Variants in LRRTM4 observed in about 807,000 individuals in gnomAD.
The protein encoded by LRRTM4 is leucine rich repeat transmembrane neuronal 4, also known as leucine-rich repeat transmembrane neuronal protein 4.
LRRTM4 carries 25 observed loss-of-function variants against 47.6 expected under a neutral mutation model. That is an observed-to-expected ratio of 0.53 (90% CI 0.38 to 0.73). LRRTM4 has a LOEUF of 0.73. Among genes scored for constraint, LRRTM4 ranks in the 30% least tolerant of loss-of-function variants. The probability of loss-of-function intolerance (pLI) is 0.00; values close to 1 mark genes in which losing one functional copy is unlikely to be tolerated. For missense variants in LRRTM4, 638 were observed against 713.4 expected (o/e 0.89, Z 1.20); for synonymous variants, 311 against 269.5 (o/e 1.15, Z -1.51).
chr2:77,388,582 G>C (rs1262732026), intron 3 of LRRTM4, among the ~76,000 whole-genome samples: 1 of 151,928 alleles, frequency 6.6e-6, no homozygotes, highest in African/African-American at 2.4e-5. Context: ...AGTTTATGAA[G>C]TATTTATTTT....
At chr2:77,488,703 T>C (rs959092921) in intron 3 of LRRTM4, among the ~76,000 whole-genome samples, 2 of 152,196 alleles carry the variant, frequency 1.3e-5, no homozygotes, top group Non-Finnish European at 2.9e-5. Context: ...TTCTATGATC[T>C]AGTCAATTGC....
At chr2:77,083,341 T>C (rs1680592070) in intron 3 of LRRTM4, among the ~76,000 whole-genome samples, 1 of 152,174 alleles carries the variant, frequency 6.6e-6, no homozygotes, top group Admixed American at 6.5e-5. Flanking sequence ...GATGATTCTT[T>C]AATATCCCAA....
intron 3 of LRRTM4, among the ~76,000 whole-genome samples, chr2:77,487,154 G>C (rs1677948418): frequency 6.6e-6 from 1 of 152,208 alleles, no homozygotes. Flanking sequence ...AGAGCCAATG[G>C]GAGCCAGGAA....
At chr2:76,752,934 G>A (rs1051758816) in intron 3 of LRRTM4, among the ~76,000 whole-genome samples, 27 of 152,252 alleles carry the variant, frequency 1.8e-4, no homozygotes, top group African/African-American at 5.3e-4. Flanking sequence ...AGATGTCCTC[G>A]TTAGAACACT....
intron 3 of LRRTM4, among the ~76,000 whole-genome samples, chr2:76,775,279 G>T (rs1225912273): frequency 6.6e-6 from 1 of 152,082 alleles, no homozygotes; most frequent in Non-Finnish European, 1.5e-5. Flanking sequence ...TTCAATCATG[G>T]TTATCTTCCA....
chr2:76,971,804 ACCCT>A (rs1676228509), intron 3 of LRRTM4, among the ~76,000 whole-genome samples: 2 of 152,010 alleles, frequency 1.3e-5, no homozygotes, highest in Non-Finnish European at 2.9e-5. Flanking sequence ...AGAAAACAAC[ACCCT>A]CCCACCCTAT....
chr2:76,770,005 A>G (rs1673625123), intron 3 of LRRTM4, among the ~76,000 whole-genome samples: 1 of 152,162 alleles, frequency 6.6e-6, no homozygotes, highest in Non-Finnish European at 1.5e-5. Flanking sequence ...TGGGCCCAGG[A>G]ATCTGTTTGA....
At chr2:77,069,526 C>T (rs973197738) in intron 3 of LRRTM4, among the ~76,000 whole-genome samples, 2 of 151,864 alleles carry the variant, frequency 1.3e-5, no homozygotes, top group African/African-American at 4.8e-5. Context: ...CCATCTTGTT[C>T]TGGACTTTTA....
At chr2:77,242,961 G>A (rs1675310847) in intron 3 of LRRTM4, among the ~76,000 whole-genome samples, 1 of 152,010 alleles carries the variant, frequency 6.6e-6, no homozygotes, top group Non-Finnish European at 1.5e-5. Flanking sequence ...GCCAAAAGGT[G>A]GAAACAACCC....
chr2:77,246,841 A>C (rs1446568278), intron 3 of LRRTM4, among the ~76,000 whole-genome samples: 3 of 152,114 alleles, frequency 2.0e-5, no homozygotes, highest in Non-Finnish European at 4.4e-5. Context: ...ACATGTATAC[A>C]TATATGCATA....
At chr2:77,086,646 G>A (rs780599647) in intron 3 of LRRTM4, among the ~76,000 whole-genome samples, 3 of 150,788 alleles carry the variant, frequency 2.0e-5, no homozygotes, top group South Asian at 4.2e-4. Context: ...CCTGACTTTC[G>A]TTTGTTTGTT....
chr2:77,271,417 G>A (rs151199557), intron 3 of LRRTM4, among the ~76,000 whole-genome samples: 2 of 152,288 alleles, frequency 1.3e-5, no homozygotes, highest in African/African-American at 4.8e-5. Context: ...GCCTGGTCTG[G>A]CTGTGGGTCC....
chr2:76,921,556 A>C (rs1206468288), intron 3 of LRRTM4, among the ~76,000 whole-genome samples: 1 of 152,016 alleles, frequency 6.6e-6, no homozygotes, highest in Non-Finnish European at 1.5e-5. Flanking sequence ...TACCTATATA[A>C]ATTATTTAGA....
At chr2:76,777,646 A>G (rs1223297283) in intron 3 of LRRTM4, among the ~76,000 whole-genome samples, 4 of 151,000 alleles carry the variant, frequency 2.6e-5, no homozygotes, top group Non-Finnish European at 4.4e-5. Context: ...TTATCAGCTT[A>G]AGGAGATTAT....
intron 3 of LRRTM4, among the ~76,000 whole-genome samples, chr2:77,065,918 T>C (rs1190874689): frequency 1.3e-5 from 2 of 152,176 alleles, no homozygotes; most frequent in Non-Finnish European, 2.9e-5. Context: ...GTGCAATACT[T>C]GCTACAGCAC....
chr2:77,234,051 G>A (rs148914871), intron 3 of LRRTM4, among the ~76,000 whole-genome samples: 46 of 152,214 alleles, frequency 3.0e-4, no homozygotes, highest in African/African-American at 1.0e-3. Context: ...CCAAAATACT[G>A]GGATTACAGG....
At chr2:77,282,835 A>G (rs890231587) in intron 3 of LRRTM4, among the ~76,000 whole-genome samples, 1 of 152,056 alleles carries the variant, frequency 6.6e-6, no homozygotes, top group African/African-American at 2.4e-5. Context: ...TCATATGCAA[A>G]CATTAACTCA....
intron 3 of LRRTM4, chr2:77,517,043 G>A (rs1679236910): frequency 1.0e-6 from 1 of 984,552 alleles, no homozygotes; most frequent in African/African-American, 1.7e-5. Context: ...ACATTATATT[G>A]CCAGAATTTA....
At chr2:77,311,923 G>T (rs182458812) in intron 3 of LRRTM4, among the ~76,000 whole-genome samples, 1 of 152,258 alleles carries the variant, frequency 6.6e-6, no homozygotes, top group Non-Finnish European at 1.5e-5. Flanking sequence ...ATGAGGCAAA[G>T]CATGTGGGGC....
Sources: gnomAD v4.1 joint callset for allele counts (sites outside exome capture counted in the v4.1 genomes callset) on GRCh38, gnomAD v4.1.1 for gene constraint, MANE v1.5 for transcripts, NCBI Gene and HGNC (gene_info 2026-07-23, HGNC 2026-07-21) for gene names.